DPP6: variants seen among roughly 807,000 people sequenced by gnomAD.
DPP6 encodes the protein A-type potassium channel modulatory protein DPP6.
A neutral mutation model predicts 122.6 loss-of-function variants in DPP6; 69 were observed. The observed-to-expected ratio is 0.56, with a 90% confidence interval of 0.46 to 0.69. The LOEUF (loss-of-function observed/expected upper bound fraction) is 0.69. Among genes scored for constraint, DPP6 ranks in the 30% least tolerant of loss-of-function variants. The pLI is 0.00. For missense variants in DPP6, 928 were observed against 1,116.9 expected, an observed-to-expected ratio of 0.83 and a Z score of 2.41; for synonymous variants, 418 against 433.1, an observed-to-expected ratio of 0.97 and a Z score of 0.43.
chr7:154,517,275 G>A (rs921190892), intron 3 of DPP6, among the ~76,000 whole-genome samples: 24 of 152,154 alleles, frequency 1.6e-4, no homozygotes, highest in Non-Finnish European at 3.5e-4. Flanking sequence ...TCAGATCCCA[G>A]TTGTAACACT....
At chr7:154,134,947 C>T (rs1270845442) in intron 1 of DPP6, among the ~76,000 whole-genome samples, 6 of 152,158 alleles carry the variant, frequency 3.9e-5, no homozygotes, top group Admixed American at 3.9e-4. Context: ...ACCCACACTT[C>T]CTGTGAGTGT....
intron 1 of DPP6, among the ~76,000 whole-genome samples, chr7:153,899,208 CCTCCTT>C (rs972355987): frequency 3.3e-5 from 5 of 151,820 alleles, no homozygotes; most frequent in African/African-American, 1.2e-4. Flanking sequence ...TCCTCCTCCT[CCTCCTT>C]CTCCTCCTCC....
chr7:153,785,111 C>G, the DPP6 span, among the ~76,000 whole-genome samples: 1 of 152,200 alleles, frequency 6.6e-6, no homozygotes, highest in South Asian at 2.1e-4. Flanking sequence ...TGTTTTTGAT[C>G]TGTTGGTGAT....
At chr7:153,992,257 C>T (rs1797215531) in intron 1 of DPP6, among the ~76,000 whole-genome samples, 1 of 152,216 alleles carries the variant, frequency 6.6e-6, no homozygotes, top group Non-Finnish European at 1.5e-5. Flanking sequence ...TTGCAATTGT[C>T]TTTTAAACCC....
At chr7:154,433,147 T>A (rs1480577069) in intron 1 of DPP6, among the ~76,000 whole-genome samples, 3 of 129,620 alleles carry the variant, frequency 2.3e-5, no homozygotes, top group Non-Finnish European at 3.2e-5. Flanking sequence ...TTTTTTTTTT[T>A]TTTTTTTTTT....
At chr7:154,087,610 C>T (rs1804518323) in intron 1 of DPP6, among the ~76,000 whole-genome samples, 1 of 152,186 alleles carries the variant, frequency 6.6e-6, no homozygotes, top group African/African-American at 2.4e-5. Context: ...TGGTGTTTCT[C>T]TCTGTCCGTC....
chr7:154,747,672 C>G (rs865829623), intron 8 of DPP6, among the ~76,000 whole-genome samples: 2 of 152,074 alleles, frequency 1.3e-5, no homozygotes, highest in Middle Eastern at 3.2e-3. Context: ...AAATAGAACA[C>G]TTTTTCTGCC....
In DPP6 at chr7:154,084,862, C is replaced by T. The variant is rs1223144752; in HGVS notation, c.243+31799C>T. Among the ~76,000 whole-genome samples the T allele has an allele frequency of 2.5e-4, 38 of 151,784 alleles. No individual in the cohort carries two copies. In the East Asian group the frequency reaches 6.1e-3, roughly 24 times the overall value. ...AAAATTAGCCGGGCATGGTGGTGGG[C>T]GCCTGGAGTCCCAGCTACTTGGGAG... On this transcript the variant is annotated intron_variant, in intron 1 of 25. Coordinates refer to ENST00000377770, the MANE Select transcript of DPP6 (RefSeq NM_130797.4).
the DPP6 span, among the ~76,000 whole-genome samples, chr7:153,767,490 C>A: frequency 6.6e-6 from 1 of 151,846 alleles, no homozygotes; most frequent in Non-Finnish European, 1.5e-5. Context: ...GCCTCAGCCT[C>A]CTGAGTAGCT....
At position 154,292,120 on chromosome 7, in the gene DPP6, C is replaced by T. The variant is rs143764380; in HGVS notation, c.244-154094C>T. ...TTGATCCATTGACAGATTCTCAAAA[C>T]CAGGTCAATATAGAGATATGGCACT... is the stretch of plus-strand genomic sequence containing the variant. On this transcript the variant is annotated intron_variant, in intron 1 of 25. Transcript: ENST00000377770. Among the ~76,000 whole-genome samples, 378 of 152,222 alleles carry T rather than the reference C, an allele frequency of 2.5e-3. 1 individual carries two copies. Among genetic ancestry groups the T allele is most frequent in the Non-Finnish European group, 3.8e-3 (256 of 68,014 alleles).
At chr7:154,652,233 A>AT in intron 6 of DPP6, among the ~76,000 whole-genome samples, 1 of 151,980 alleles carries the variant, frequency 6.6e-6, no homozygotes, top group Non-Finnish European at 1.5e-5. Flanking sequence ...CTCATTAGCC[A>AT]TAGCATCAAA....
chr7:154,685,776 T>C (rs1839561176), intron 7 of DPP6, among the ~76,000 whole-genome samples: 1 of 152,228 alleles, frequency 6.6e-6, no homozygotes, highest in Non-Finnish European at 1.5e-5. Flanking sequence ...ACTTTGCTCC[T>C]GGTCAATTCA....
chr7:153,968,114 T>C (rs556407360), intron 1 of DPP6, among the ~76,000 whole-genome samples: 7 of 150,266 alleles, frequency 4.7e-5, no homozygotes, highest in Admixed American at 4.6e-4. Flanking sequence ...ATTTCAACTC[T>C]TAGTTCTTTG....
chr7:154,748,754 C>T (rs1420440951), intron 8 of DPP6, among the ~76,000 whole-genome samples: 1 of 152,148 alleles, frequency 6.6e-6, no homozygotes, highest in South Asian at 2.1e-4. Flanking sequence ...CGGTGTCCAG[C>T]AGTGGATGCG....
At chr7:154,079,363 G>T (rs1186381182) in intron 1 of DPP6, among the ~76,000 whole-genome samples, 2 of 152,212 alleles carry the variant, frequency 1.3e-5, no homozygotes, top group African/African-American at 4.8e-5. Context: ...ACATCAGGTG[G>T]CCTTTGCTTG....
At chr7:154,659,284 C>G (rs1037856375) in intron 6 of DPP6, among the ~76,000 whole-genome samples, 3 of 152,180 alleles carry the variant, frequency 2.0e-5, no homozygotes, top group East Asian at 3.8e-4. Context: ...GTCCCAATAT[C>G]TGACATATTA....
At chr7:154,212,972 A>G (rs1329260539) in intron 1 of DPP6, among the ~76,000 whole-genome samples, 1 of 152,136 alleles carries the variant, frequency 6.6e-6, no homozygotes, top group Non-Finnish European at 1.5e-5. Flanking sequence ...ATTCTACAAA[A>G]ATGCTCAAGG....
At chr7:154,169,972 C>T (rs1193894390) in intron 1 of DPP6, among the ~76,000 whole-genome samples, 3 of 152,180 alleles carry the variant, frequency 2.0e-5, no homozygotes, top group Admixed American at 6.5e-5. Context: ...GATCCACCCA[C>T]CTCGGCCTCC....
rs1352105639 is a variant in DPP6, at chr7:154,893,185, T to A, written c.*705T>A. ...TTCCCTTTCCTTTCTCCAGTCCACG[T>A]GTAGACTTTGCGCTTGATGAAGAAG... is the stretch of plus-strand genomic sequence containing the variant. On this transcript the variant is annotated 3_prime_UTR_variant, in exon 26 of 26. Transcript: ENST00000377770. 2.0e-5 allele frequency: 6 copies of A among 306,382 alleles called. No individual in the cohort carries two copies. Among genetic ancestry groups the A allele is most frequent in the Non-Finnish European group, 3.1e-5 (5 of 158,750 alleles). The allele number at this position is 306,382 out of a possible 1,614,324, so 19.0% of individuals were successfully genotyped here. A position where few individuals can be genotyped will look rare whatever the true frequency, so the allele number is the denominator to read the frequency against.
Sources: gnomAD v4.1 joint callset for allele counts (sites outside exome capture counted in the v4.1 genomes callset) on GRCh38, gnomAD v4.1.1 for gene constraint, MANE v1.5 for transcripts, NCBI Gene and HGNC (gene_info 2026-07-23, HGNC 2026-07-21) for gene names.